CFAP20DC: variants seen among roughly 807,000 people sequenced by gnomAD.
The protein encoded by CFAP20DC is protein CFAP20DC.
CFAP20DC carries 84 observed loss-of-function variants against 101.7 expected under a neutral mutation model. The observed-to-expected ratio is 0.83, with a 90% confidence interval of 0.69 to 0.99. CFAP20DC has a LOEUF of 0.99. Among genes scored for constraint, CFAP20DC ranks in the 50% least tolerant of loss-of-function variants. The pLI is 0.00. For missense variants in CFAP20DC, 1,007 were observed against 970.3 expected (o/e 1.04, Z -0.50); for synonymous variants, 359 against 351.2 (o/e 1.02, Z -0.25).
At chr3:58,727,999 C>T (rs1442025588) in intron 3 of CFAP20DC, 2 of 152,206 alleles carry the variant, frequency 1.3e-5, no homozygotes, top group African/African-American at 2.4e-5. Context: ...GCTAAAGAAG[C>T]AGGTCATGTA....
chr3:58,728,029 G>A lies in CFAP20DC; in HGVS notation c.198-10401C>T, dbSNP rs947430268. On this transcript the variant is annotated intron_variant, in intron 3 of 3. Coordinates refer to the CFAP20DC transcript ENST00000486145. This position sits in a 1 kb window ranked among gnomAD's most constrained non-coding sequence, Gnocchi z 4.7. The stretch of plus-strand genomic sequence containing the variant: ...CATGTAGTCAAACTTCATTTCAAGT[G>A]GGCCACAGGGTGCAGGTGGCAGAAT... 6.6e-6 allele frequency: 1 copy of A among 152,174 alleles called. No individual in the cohort carries two copies. Among genetic ancestry groups the A allele is most frequent in the Non-Finnish European group, 1.5e-5 (1 of 68,036 alleles). 9.4% of individuals were successfully genotyped at this position (152,174 alleles called of 1,614,324 possible).
At chr3:58,866,481 C>G (rs2079702831) in intron 11 of CFAP20DC, 85 bp downstream of exon 11, 1 of 1,223,006 alleles carries the variant, frequency 8.2e-7, no homozygotes, top group Admixed American at 2.5e-5. Flanking sequence ...TGCATCACCA[C>G]TTTTCAAAAT....
At chr3:58,831,357 C>T (rs1478658082) in intron 14 of CFAP20DC, among the ~76,000 whole-genome samples, 1 of 152,194 alleles carries the variant, frequency 6.6e-6, no homozygotes, top group Non-Finnish European at 1.5e-5. Flanking sequence ...AAATATTGAG[C>T]CTCTTGTATG....
At chr3:58,890,972 C>T (rs1157205629) in intron 6 of CFAP20DC, among the ~76,000 whole-genome samples, 6 of 144,766 alleles carry the variant, frequency 4.1e-5, no homozygotes, top group African/African-American at 1.6e-4. Context: ...CTCCTCACAT[C>T]CCAGACGATG....
chr3:58,877,283 C>T, intron 7 of CFAP20DC, among the ~76,000 whole-genome samples: 1 of 152,184 alleles, frequency 6.6e-6, no homozygotes. Flanking sequence ...CCACCTCCTT[C>T]AAAGAGCTCA....
chr3:58,818,327 T>C (rs1245934165), intron 14 of CFAP20DC, among the ~76,000 whole-genome samples: 2 of 147,980 alleles, frequency 1.4e-5, no homozygotes, highest in East Asian at 4.1e-4. Flanking sequence ...AATGCTCCAA[T>C]TAAAAGACAC....
At chr3:58,803,840 A>T (rs999285312) in intron 15 of CFAP20DC, among the ~76,000 whole-genome samples, 1 of 152,086 alleles carries the variant, frequency 6.6e-6, no homozygotes, top group African/African-American at 2.4e-5. Context: ...GTGTAAATTA[A>T]TTTTTCTTAA....
chr3:58,739,901 A>T (rs538392914), downstream of CFAP20DC, among the ~76,000 whole-genome samples: 81 of 152,284 alleles, frequency 5.3e-4, 1 homozygote, highest in African/African-American at 1.7e-3. Context: ...AAGCTATAAA[A>T]AGGGGATAAT....
At chr3:58,789,522 G>A (rs973235335) in intron 15 of CFAP20DC, among the ~76,000 whole-genome samples, 2 of 152,220 alleles carry the variant, frequency 1.3e-5, no homozygotes, top group South Asian at 2.1e-4. Context: ...TGCTAAAAAG[G>A]CTCTGTGAGG....
intron 7 of CFAP20DC, among the ~76,000 whole-genome samples, chr3:58,879,674 T>C (rs924889026): frequency 1.3e-5 from 2 of 151,914 alleles, no homozygotes; most frequent in Non-Finnish European, 2.9e-5. Context: ...AATAAGAAAA[T>C]ATCAGGTAGT....
chr3:58,831,234 G>T (rs1258249162), intron 14 of CFAP20DC, among the ~76,000 whole-genome samples: 12 of 152,220 alleles, frequency 7.9e-5, no homozygotes, highest in Non-Finnish European at 1.3e-4. Flanking sequence ...AGCAATCAGT[G>T]AACATCTGGT....
At chr3:58,871,571 C>T (rs180891043) in intron 7 of CFAP20DC, among the ~76,000 whole-genome samples, 5 of 150,092 alleles carry the variant, frequency 3.3e-5, no homozygotes, top group Middle Eastern at 3.4e-3. Flanking sequence ...TTTTGTCACA[C>T]GAGCTGGAGT....
At chr3:58,862,352 A>G (rs1470936721) in intron 12 of CFAP20DC, 2 of 985,450 alleles carry the variant, frequency 2.0e-6, no homozygotes, top group African/African-American at 1.7e-5. Flanking sequence ...CCATGTTTTT[A>G]TAGCTTTATG....
intron 15 of CFAP20DC, among the ~76,000 whole-genome samples, chr3:58,794,593 A>G (rs561950787): frequency 1.3e-5 from 2 of 152,306 alleles, no homozygotes; most frequent in Non-Finnish European, 2.9e-5. Flanking sequence ...TCAAAATGTA[A>G]TGTTTTTCAT....
chr3:59,044,873 T>C (rs969154336), intron 3 of CFAP20DC, among the ~76,000 whole-genome samples: 4 of 152,080 alleles, frequency 2.6e-5, no homozygotes, highest in South Asian at 2.1e-4. Flanking sequence ...AGATGTCCTG[T>C]GCCTCTTGCA....
chr3:58,765,626 A>G (rs1559559830), intron 15 of CFAP20DC, among the ~76,000 whole-genome samples: 2 of 152,100 alleles, frequency 1.3e-5, no homozygotes. Context: ...CGTAGTCACT[A>G]TTTCAGAAAT....
At chr3:58,883,155 C>T (rs988356434) in intron 7 of CFAP20DC, among the ~76,000 whole-genome samples, 2 of 152,210 alleles carry the variant, frequency 1.3e-5, no homozygotes, top group Admixed American at 1.3e-4. Flanking sequence ...TGACCACTCT[C>T]TCATCCCCAT....
intron 16 of CFAP20DC, among the ~76,000 whole-genome samples, chr3:58,748,860 C>G (rs1353396786): frequency 6.6e-6 from 1 of 152,168 alleles, no homozygotes. Flanking sequence ...AGGTCTGGGT[C>G]AGTGTCCTGA....
At position 58,868,564 on chromosome 3, in the gene CFAP20DC, G is replaced by C. The variant is rs1350331807; in HGVS notation, c.1016-628C>G. 6.6e-6 allele frequency among the ~76,000 whole-genome samples: 1 copy of C among 152,102 alleles called. No homozygotes were observed. Among genetic ancestry groups the C allele is most frequent in the Non-Finnish European group, 1.5e-5 (1 of 67,996 alleles). The stretch of plus-strand genomic sequence containing the variant: ...GTAGTAATGCCATTCCCATTTTACA[G>C]AGGAGAAAACTAAGGTTCACAGCGT... On this transcript the variant is annotated intron_variant, in intron 9 of 16. Coordinates refer to ENST00000482387, the MANE Select transcript of CFAP20DC (RefSeq NM_001394063.1). The surrounding 1 kb of genome is among the most constrained non-coding windows in gnomAD (Gnocchi z 4.6).
Sources: allele counts gnomAD v4.1 joint callset (sites outside exome capture counted in the v4.1 genomes callset), GRCh38; gene constraint gnomAD v4.1.1; non-coding constraint Gnocchi (gnomAD v3.1); transcripts MANE v1.5; gene names NCBI Gene and HGNC (gene_info 2026-07-23, HGNC 2026-07-21).